LPCAT2: variants seen among roughly 807,000 people sequenced by gnomAD.
LPCAT2 encodes the protein lysophosphatidylcholine acyltransferase 2.
A neutral mutation model predicts 64.7 loss-of-function variants in LPCAT2; 58 were observed. That is an observed-to-expected ratio of 0.90 (90% CI 0.73 to 1.12). The LOEUF is 1.12. LPCAT2 is among the 50% of genes most tolerant of loss of function. The pLI, the probability that LPCAT2 is intolerant of heterozygous loss-of-function variation, is 0.00. For synonymous variants in LPCAT2, 252 were observed against 245.3 expected (o/e 1.03, Z -0.26); for missense variants, 579 against 669.8 (o/e 0.86, Z 1.50).
At chr16:55,519,500 C>T (rs1465670772) in intron 1 of LPCAT2, among the ~76,000 whole-genome samples, 2 of 128,346 alleles carry the variant, frequency 1.6e-5, no homozygotes, top group African/African-American at 5.5e-5. Flanking sequence ...CAGAGCGAGA[C>T]TCCATCACAA....
chr16:55,578,223 T>C (rs1963849651), intron 12 of LPCAT2, among the ~76,000 whole-genome samples: 1 of 152,212 alleles, frequency 6.6e-6, no homozygotes, highest in South Asian at 2.1e-4. Flanking sequence ...AGCTCAAACA[T>C]AACCATAGTT....
At chr16:55,532,110 G>A (rs1963262145) in intron 5 of LPCAT2, 136 bp downstream of exon 5, 1 of 628,868 alleles carries the variant, frequency 1.6e-6, no homozygotes, top group Non-Finnish European at 2.9e-6. Flanking sequence ...TTTTAACGTT[G>A]TGGATCCACA....
At chr16:55,558,922 T>C (rs1227827349) in intron 11 of LPCAT2, among the ~76,000 whole-genome samples, 1 of 152,160 alleles carries the variant, frequency 6.6e-6, no homozygotes, top group African/African-American at 2.4e-5. Flanking sequence ...GTCTGACTTA[T>C]AGTGATTGTT....
At chr16:55,536,865 C>T (rs1346985734) in intron 7 of LPCAT2, among the ~76,000 whole-genome samples, 2 of 152,124 alleles carry the variant, frequency 1.3e-5, no homozygotes, top group African/African-American at 4.8e-5. Flanking sequence ...TGCTTAACCA[C>T]TTTAAAGACA....
chr16:55,520,639 GT>G (rs1164711948), intron 1 of LPCAT2, among the ~76,000 whole-genome samples: 2 of 151,796 alleles, frequency 1.3e-5, no homozygotes, highest in African/African-American at 4.8e-5. Context: ...AATACCAAAA[GT>G]TTGAAATATT....
At chr16:55,546,070 C>T (rs1290683652) in intron 9 of LPCAT2, among the ~76,000 whole-genome samples, 1 of 151,940 alleles carries the variant, frequency 6.6e-6, no homozygotes, top group Non-Finnish European at 1.5e-5. Context: ...CAGAAAAGAC[C>T]AGTTAGTGCC....
chr16:55,554,815 G>A (rs1340247538), intron 11 of LPCAT2, among the ~76,000 whole-genome samples: 1 of 152,230 alleles, frequency 6.6e-6, no homozygotes, highest in Non-Finnish European at 1.5e-5. Context: ...ACACTTAGGG[G>A]CCGTTGTAGT....
At chr16:55,566,672 C>T in intron 11 of LPCAT2, 2 of 1,429,132 alleles carry the variant, frequency 1.4e-6, no homozygotes, top group Non-Finnish European at 1.9e-6. Context: ...CCAGTTCTTC[C>T]ACATGTAAAC....
intron 1 of LPCAT2, among the ~76,000 whole-genome samples, chr16:55,522,941 A>G (rs1963118531): frequency 6.6e-6 from 1 of 151,596 alleles, no homozygotes; most frequent in African/African-American, 2.4e-5. Flanking sequence ...TAAACATAAA[A>G]TAAAAATTAA....
chr16:55,568,341 T>G (rs1963731241), intron 11 of LPCAT2, among the ~76,000 whole-genome samples: 1 of 152,226 alleles, frequency 6.6e-6, no homozygotes, highest in African/African-American at 2.4e-5. Context: ...TCGTGTCTTG[T>G]CCTGCCTTAG....
chr16:55,579,997 T>A (rs1394812504), intron 13 of LPCAT2, among the ~76,000 whole-genome samples: 4 of 152,178 alleles, frequency 2.6e-5, no homozygotes, highest in African/African-American at 9.7e-5. Flanking sequence ...CACACCTCAA[T>A]GGAGAGACCA....
intron 7 of LPCAT2, among the ~76,000 whole-genome samples, chr16:55,536,489 G>T (rs1420225): frequency 0.087 from 13,231 of 152,064 alleles, 730 homozygotes; most frequent in Middle Eastern, 0.15. Context: ...GATAGTAAAA[G>T]ATTTTTTTCT....
intron 11 of LPCAT2, among the ~76,000 whole-genome samples, chr16:55,573,965 A>G (rs1212396337): frequency 1.3e-5 from 2 of 152,150 alleles, no homozygotes; most frequent in African/African-American, 4.8e-5. Context: ...AATTACAATA[A>G]TCAATTTCTT....
At chr16:55,571,086 G>A (rs1442918928) in intron 11 of LPCAT2, among the ~76,000 whole-genome samples, 1 of 152,134 alleles carries the variant, frequency 6.6e-6, no homozygotes, top group African/African-American at 2.4e-5. Flanking sequence ...CTTCTTGGGA[G>A]TTTATCATTG....
intron 11 of LPCAT2, among the ~76,000 whole-genome samples, chr16:55,572,177 T>A (rs2142418672): frequency 6.6e-6 from 1 of 152,316 alleles, no homozygotes; most frequent in South Asian, 2.1e-4. Context: ...TGACTAGTGG[T>A]AATGTTAAGA....
In LPCAT2 at chr16:55,572,957, A is replaced by C. The variant is rs11864815; in HGVS notation, c.1216-1674A>C. Reference sequence around the variant, plus strand: ...GAAAAGGAAAAACAAAAAACAAAACAAAACAAAAACAGCTCTCTGACAGAC... The same window carrying C: ...GAAAAGGAAAAACAAAAAACAAAACCAAACAAAAACAGCTCTCTGACAGAC... On this transcript the variant is annotated intron_variant, in intron 11 of 13. Coordinates refer to ENST00000262134, the MANE Select transcript of LPCAT2 (RefSeq NM_017839.5). Among the ~76,000 whole-genome samples the C allele has an allele frequency of 5.2e-3, 791 of 152,338 alleles. 13 individuals carry two copies. Among genetic ancestry groups the C allele is most frequent in the African/African-American group, 0.018 (749 of 41,572 alleles).
chr16:55,518,367 G>C (rs1476094287), intron 1 of LPCAT2, among the ~76,000 whole-genome samples: 1 of 152,158 alleles, frequency 6.6e-6, no homozygotes, highest in African/African-American at 2.4e-5. Flanking sequence ...CTACAGATTA[G>C]TATAACCCTT....
At chr16:55,528,344 A>G in intron 2 of LPCAT2, 33 bp from the exon 3 acceptor site, 2 of 1,553,616 alleles carry the variant, frequency 1.3e-6, no homozygotes, top group Non-Finnish European at 1.8e-6. Context: ...TTTAATTAAC[A>G]GAGCTAATTA....
intron 13 of LPCAT2, among the ~76,000 whole-genome samples, chr16:55,581,971 C>T (rs1963891367): frequency 6.6e-6 from 1 of 152,122 alleles, no homozygotes; most frequent in Non-Finnish European, 1.5e-5. Flanking sequence ...CTTTCCTATC[C>T]ATTATTGATT....
Sources: allele counts gnomAD v4.1 joint callset (sites outside exome capture counted in the v4.1 genomes callset), GRCh38; gene constraint gnomAD v4.1.1; transcripts MANE v1.5; gene names NCBI Gene and HGNC (gene_info 2026-07-23, HGNC 2026-07-21).